Variants in MRNIP observed in about 807,000 individuals in gnomAD.
MRNIP encodes MRN complex-interacting protein.
MRNIP carries 30 observed loss-of-function variants against 29.8 expected under a neutral mutation model. The ratio of observed to expected loss-of-function variants is 1.01; its 90% confidence interval spans 0.75 to 1.36. MRNIP has a LOEUF of 1.36. Among genes scored for constraint, MRNIP ranks in the 40% most tolerant of loss-of-function variants. The pLI is 0.00. For synonymous variants in MRNIP, 201 were observed against 164.1 expected (o/e 1.23, Z -1.72); for missense variants, 459 against 423.5 (o/e 1.08, Z -0.74).
At chr5:179,855,915 T>TTTG (rs1554094245) in intron 1 of MRNIP, among the ~76,000 whole-genome samples, 4 of 148,658 alleles carry the variant, frequency 2.7e-5, no homozygotes, top group South Asian at 2.1e-4. Context: ...TTGTTTTTTT[T>TTTG]TTTTTTTTTT....
At chr5:179,856,438 A>G (rs966622175) in intron 1 of MRNIP, among the ~76,000 whole-genome samples, 1 of 151,974 alleles carries the variant, frequency 6.6e-6, no homozygotes, top group African/African-American at 2.4e-5. Flanking sequence ...TTAAAGTAGT[A>G]CATAGCCGAC....
At position 179,837,833 on chromosome 5, in the gene MRNIP, T is replaced by C. The variant is rs773459500; in HGVS notation, c.590A>G (p.Gln197Arg). ...KVKQGSSPCLQENSADCSAGE... is the reference protein window; with the variant it reads ...KVKQGSSPCLRENSADCSAGE... ...GGCACTGCAGTCTGCAGAGTTCTCC[T>C]GGAGGCAGGGGCTGCTGCCTTGTTT... is the stretch of plus-strand genomic sequence containing the variant. Residue 197 changes from glutamine to arginine, a missense_variant, in exon 7 of 7, where the codon CAG (glutamine) becomes CGG (arginine). Physicochemically the swap from Gln to Arg is conservative, Grantham distance 43 (BLOSUM62 1). Transcript: ENST00000292586. The C allele has an allele frequency of 1.1e-5, 18 of 1,612,678 alleles. No individual in the cohort carries two copies. The highest frequency in any genetic ancestry group is 1.0e-4 in the Admixed American group (6 of 60,028).
chr5:179,841,312 A>C (rs1269919178), intron 5 of MRNIP: 1 of 262,632 alleles, frequency 3.8e-6, no homozygotes, highest in Non-Finnish European at 7.3e-6. Context: ...TTTGTTTTAA[A>C]AAATCTGTTG....
chr5:179,840,651 TCCTGAGTTA>T, intron 6 of MRNIP: 1 of 594,968 alleles, frequency 1.7e-6, no homozygotes, highest in South Asian at 2.0e-5. Context: ...TGCTCTTTGG[TCCTGAGTTA>T]CCCTCATGGG....
rs1195074639 is a variant in MRNIP, at chr5:179,837,314, G to A, written c.*77C>T. ...GTTTATTGTTAATGGTTCTTACAGA[G>A]TATCTTTAAAAGTGCCTTAGGGGAA... is the stretch of plus-strand genomic sequence containing the variant. On this transcript the variant is annotated 3_prime_UTR_variant, in exon 7 of 7. Coordinates refer to ENST00000292586, the MANE Select transcript of MRNIP (RefSeq NM_016175.4). 6 of 1,592,828 alleles carry A rather than the reference G, an allele frequency of 3.8e-6. No individual in the cohort carries two copies. Among genetic ancestry groups the A allele is most frequent in the Non-Finnish European group, 5.1e-6 (6 of 1,167,734 alleles).
chr5:179,848,051 A>T lies in MRNIP; in HGVS notation c.142T>A (p.Ser48Thr). The part of the protein sequence containing the change: ...QSFLQAYGEG[S>T]GADCRRHVQK... ...ACATGGCGTCTACAATCAGCACCAGAGCCTTCACCATAAGCCTGAGAAACC... is the reference window on the plus strand; with the variant it reads ...ACATGGCGTCTACAATCAGCACCAGTGCCTTCACCATAAGCCTGAGAAACC... The change falls in exon 3 of 7, where the codon TCT becomes ACT. Residue 48 changes from serine to threonine, a missense_variant. Coordinates refer to ENST00000292586, the MANE Select transcript of MRNIP (RefSeq NM_016175.4). The T allele has an allele frequency of 6.2e-7, 1 of 1,613,974 alleles. No homozygotes were observed. The highest frequency in any genetic ancestry group is 8.5e-7 in the Non-Finnish European group (1 of 1,179,830).
intron 2 of MRNIP, among the ~76,000 whole-genome samples, chr5:179,848,450 T>TA (rs1561619980): frequency 6.6e-6 from 1 of 152,230 alleles, no homozygotes; most frequent in Admixed American, 6.5e-5. Context: ...CCTTCACTGA[T>TA]AATCAAAGGA....
At chr5:179,845,059 C>A (rs371512993) in intron 3 of MRNIP, among the ~76,000 whole-genome samples, 1 of 152,188 alleles carries the variant, frequency 6.6e-6, no homozygotes, top group African/African-American at 2.4e-5. Context: ...GTAACCTCCA[C>A]GTCTCTCAAC....
intron 2 of MRNIP, chr5:179,851,147 G>C: frequency 2.2e-6 from 1 of 448,600 alleles, no homozygotes; most frequent in Non-Finnish European, 4.5e-6. Flanking sequence ...ACACAGCACA[G>C]AGGCATTGAG....
intron 5 of MRNIP, chr5:179,841,297 A>C: frequency 3.4e-6 from 1 of 292,852 alleles, no homozygotes; most frequent in Non-Finnish European, 6.4e-6. Context: ...ACCATGCCCC[A>C]TGAATTTGTT....
intron 1 of MRNIP, among the ~76,000 whole-genome samples, chr5:179,856,229 AGG>A (rs1759573812): frequency 1.3e-5 from 2 of 151,984 alleles, no homozygotes; most frequent in African/African-American, 4.8e-5. Context: ...TTAAAAGTTT[AGG>A]ACTCACAGAA....
chr5:179,856,410 G>A (rs1407988208), intron 1 of MRNIP, among the ~76,000 whole-genome samples: 1 of 152,132 alleles, frequency 6.6e-6, no homozygotes, highest in Non-Finnish European at 1.5e-5. Context: ...GTAGTACACA[G>A]CCGACTTGCA....
chr5:179,844,150 A>G lies in MRNIP; in HGVS notation c.291+2T>C. 1.2e-6 allele frequency: 2 copies of G among 1,613,984 alleles called. No individual in the cohort carries two copies. Among genetic ancestry groups the G allele is most frequent in the Non-Finnish European group, 1.7e-6 (2 of 1,179,870 alleles). On this transcript the variant is annotated splice_donor_variant, in intron 4 of 6. Transcript: ENST00000292586. LOFTEE classifies it high-confidence loss of function. ...CCTGGGGCAGGTGGGCCTGAGGCTT[A>G]CCTGCTGCTTCACATTCCCAGCCTG... is the stretch of plus-strand genomic sequence containing the variant.
At chr5:179,854,019 ATTTTT>A (rs543395166) in intron 1 of MRNIP, among the ~76,000 whole-genome samples, 1 of 121,226 alleles carries the variant, frequency 8.2e-6, no homozygotes, top group African/African-American at 3.2e-5. Flanking sequence ...GCCTGAAATA[ATTTTT>A]TTTTTTTTTT....
At chr5:179,856,995 T>C (rs1436326000) in intron 1 of MRNIP, among the ~76,000 whole-genome samples, 1 of 152,034 alleles carries the variant, frequency 6.6e-6, no homozygotes, top group Non-Finnish European at 1.5e-5. Context: ...GAGGCTGAGG[T>C]GGATCAGCTG....
chr5:179,853,339 G>A, intron 2 of MRNIP, 39 bp downstream of exon 2: 1 of 1,607,084 alleles, frequency 6.2e-7, no homozygotes, highest in Non-Finnish European at 8.5e-7. Flanking sequence ...GCTCGCTGCA[G>A]GCCTGCGCCC....
chr5:179,844,813 T>C (rs1759063197), intron 3 of MRNIP, among the ~76,000 whole-genome samples: 1 of 152,260 alleles, frequency 6.6e-6, no homozygotes, highest in South Asian at 2.1e-4. Context: ...CTTGTATTCT[T>C]GTGATCTTGC....
chr5:179,851,124 C>T (rs1423332746), intron 2 of MRNIP: 10 of 431,834 alleles, frequency 2.3e-5, no homozygotes, highest in African/African-American at 1.8e-4. Flanking sequence ...GTCAGCCATA[C>T]ACCACATACC....
rs748941071 is a variant in MRNIP, at chr5:179,837,709, T to C, written c.714A>G (p.Lys238=). The change falls in exon 7 of 7, where the codon AAA becomes AAG. Residue 238 remains lysine, a synonymous_variant. Transcript: ENST00000292586. The part of the protein sequence containing the change: ...KWAQFVLPPR[K]SSHVDSEQPR... ...GCTGCTCACTGTCCACATGTGAACT[T>C]TTTCTAGGTGGCAGGACAAATTGCG... is the stretch of plus-strand genomic sequence containing the variant. The C allele has an allele frequency of 6.2e-6, 10 of 1,614,076 alleles. No homozygotes were observed. The highest frequency in any genetic ancestry group is 7.6e-6 in the Non-Finnish European group (9 of 1,180,040).
Sources: gnomAD v4.1 joint callset for allele counts (sites outside exome capture counted in the v4.1 genomes callset) on GRCh38, gnomAD v4.1.1 for gene constraint, MANE v1.5 for transcripts, NCBI Gene and HGNC (gene_info 2026-07-23, HGNC 2026-07-21) for gene names.